The following ZNF536 variants were observed in gnomAD, a reference collection of about 807,000 sequenced individuals.
ZNF536 encodes the protein zinc finger protein 536.
In ZNF536, 13 loss-of-function variants were observed where a neutral mutation model predicts 84.5. The ratio of observed to expected loss-of-function variants is 0.15; its 90% CI spans 0.10 to 0.24. The LOEUF is 0.24. Ranked by LOEUF, ZNF536 falls within the 10% of genes least tolerant of loss-of-function variation. The probability of loss-of-function intolerance (pLI) is 1.00; values close to 1 mark genes in which losing one functional copy is unlikely to be tolerated. For synonymous variants in ZNF536, 811 were observed against 742.5 expected (o/e 1.09, Z -1.50); for missense variants, 1,536 against 1,747.5 (o/e 0.88, Z 2.16).
intron 1 of ZNF536, among the ~76,000 whole-genome samples, chr19:30,276,855 GTT>G (rs35063663): frequency 0.31 from 47,214 of 149,918 alleles, 8,904 homozygotes; most frequent in East Asian, 0.61. Flanking sequence ...TTGTCTTCAT[GTT>G]TTTTTTTTTT....
intron 1 of ZNF536, among the ~76,000 whole-genome samples, chr19:30,282,673 G>C (rs2045491996): frequency 6.6e-6 from 1 of 152,144 alleles, no homozygotes; most frequent in Non-Finnish European, 1.5e-5. Flanking sequence ...AGAGCCGGCT[G>C]GGTGCTGGGG....
intron 2 of ZNF536, among the ~76,000 whole-genome samples, chr19:30,338,762 A>G (rs1695202606): frequency 6.6e-6 from 1 of 152,190 alleles, no homozygotes; most frequent in Non-Finnish European, 1.5e-5. Flanking sequence ...TATGGTAAGC[A>G]TGATTAACAT....
chr19:30,567,077 T>G (rs1599833661), intron 1 of ZNF536, among the ~76,000 whole-genome samples: 1 of 152,006 alleles, frequency 6.6e-6, no homozygotes, highest in Non-Finnish European at 1.5e-5. Context: ...TCCCTGGGAG[T>G]GGCCACTCAG....
intron 1 of ZNF536, among the ~76,000 whole-genome samples, chr19:30,395,990 C>G (rs568787331): frequency 6.6e-6 from 1 of 152,230 alleles, no homozygotes; most frequent in Admixed American, 6.5e-5. Context: ...CAATATCACC[C>G]GAAGTCCATG....
chr19:30,676,692 TG>T (rs1160365948), intron 1 of ZNF536, among the ~76,000 whole-genome samples: 2 of 152,258 alleles, frequency 1.3e-5, no homozygotes, highest in African/African-American at 4.8e-5. Flanking sequence ...TATTAATTTT[TG>T]CTTCAATAAT....
rs187291090 is a variant in ZNF536 at position 30,443,572 on chromosome 19, G to A, written c.10G>A (p.Ala4Thr). 12 of 1,539,398 alleles carry A rather than the reference G, an allele frequency of 7.8e-6. No homozygotes were observed. Among genetic ancestry groups the A allele is most frequent in the African/African-American group, 1.4e-5 (1 of 72,312 alleles). The change falls in exon 2 of 5, where the codon GCG becomes ACG. Residue 4 changes from alanine to threonine, a missense_variant. Ala to Thr is a moderately conservative substitution (Grantham distance 58). This residue lies in a region of ZNF536 where 161 missense variants were observed against 178.5 expected (regional missense o/e 0.90). Coordinates refer to ENST00000355537, the MANE Select transcript of ZNF536 (RefSeq NM_014717.3). MEE[A>T]SLCLGVSSAE... ...GCCTCTCTTTTCAGGGATGGAAGAA[G>A]CGAGCCTGTGCCTTGGAGTGTCTTC...
intron 2 of ZNF536, among the ~76,000 whole-genome samples, chr19:30,284,667 A>C (rs1017929996): frequency 6.6e-6 from 1 of 152,222 alleles, no homozygotes; most frequent in Admixed American, 6.5e-5. Flanking sequence ...CTTAAAATAC[A>C]AAACAAAGGG....
intron 1 of ZNF536, among the ~76,000 whole-genome samples, chr19:30,584,677 TC>T (rs1282713457): frequency 6.6e-6 from 1 of 152,224 alleles, no homozygotes; most frequent in Non-Finnish European, 1.5e-5. Flanking sequence ...CAGGTCTCCC[TC>T]CTCCCTGATT....
intron 1 of ZNF536, among the ~76,000 whole-genome samples, chr19:30,685,508 A>G (rs1243862836): frequency 6.6e-6 from 1 of 152,092 alleles, no homozygotes; most frequent in African/African-American, 2.4e-5. Context: ...GGGCCCATGG[A>G]ACCCAGGGAG....
rs540408533 is a variant in ZNF536 at position 30,678,733 on chromosome 19, G to C, written c.170-32024G>C. Among the ~76,000 whole-genome samples the C allele has an allele frequency of 2.9e-3, 379 of 132,452 alleles. 1 individual carries two copies. Among genetic ancestry groups the C allele is most frequent in the African/African-American group, 5.3e-3 (188 of 35,638 alleles). The allele number at this position is 132,452 out of a possible 152,430, so 86.9% of individuals were successfully genotyped here. ...GGAGCTCCTTGGTACCCACCCCCAA[G>C]CCCCCCCACACACACCTATACCCTT... On this transcript the variant is annotated intron_variant, in intron 1 of 1. Coordinates refer to the ZNF536 transcript ENST00000592773.
intron 1 of ZNF536, among the ~76,000 whole-genome samples, chr19:30,404,154 G>A (rs1019719307): frequency 6.6e-6 from 1 of 151,932 alleles, no homozygotes; most frequent in African/African-American, 2.4e-5. Context: ...CGTAAGGCCA[G>A]CGTTGCCCAC....
intron 1 of ZNF536, among the ~76,000 whole-genome samples, chr19:30,676,043 T>G (rs1056443310): frequency 6.6e-6 from 1 of 151,164 alleles, no homozygotes; most frequent in Non-Finnish European, 1.5e-5. Context: ...TTTTTTTTAA[T>G]AGAGATGGGG....
chr19:30,504,146 A>G (rs921500675), intron 2 of ZNF536, among the ~76,000 whole-genome samples: 2 of 152,064 alleles, frequency 1.3e-5, no homozygotes, highest in Non-Finnish European at 2.9e-5. Context: ...GTGGAGAACT[A>G]CAAAACTTTG....
chr19:30,345,060 T>C (rs1479904332), intron 2 of ZNF536, among the ~76,000 whole-genome samples: 1 of 152,250 alleles, frequency 6.6e-6, no homozygotes, highest in Non-Finnish European at 1.5e-5. Flanking sequence ...CCAGGCATAT[T>C]ATTTTTCTAA....
intron 1 of ZNF536, among the ~76,000 whole-genome samples, chr19:30,619,231 A>G (rs2048400569): frequency 2.0e-5 from 3 of 151,304 alleles, no homozygotes; most frequent in South Asian, 2.1e-4. Context: ...TTAGTTTTGG[A>G]TGTTTTTAAA....
intron 2 of ZNF536, among the ~76,000 whole-genome samples, chr19:30,512,232 T>C (rs1345265213): frequency 2.6e-5 from 4 of 152,196 alleles, no homozygotes; most frequent in Non-Finnish European, 5.9e-5. Flanking sequence ...TTCCAATGCC[T>C]GCAAAATTGT....
intron 2 of ZNF536, among the ~76,000 whole-genome samples, chr19:30,519,369 G>A (rs2044224929): frequency 6.6e-6 from 1 of 152,240 alleles, no homozygotes; most frequent in Admixed American, 6.5e-5. Context: ...CCTTGGGGCA[G>A]GTGAGGCTGG....
rs1478905464 is a variant in ZNF536 at position 30,526,531 on chromosome 19, C to T, written c.2171-8316C>T. Among the ~76,000 whole-genome samples the T allele has an allele frequency of 1.3e-4, 16 of 127,444 alleles. 1 individual carries two copies. Among genetic ancestry groups the T allele is most frequent in the East Asian group, 7.8e-4 (4 of 5,110 alleles). 83.6% of individuals were successfully genotyped at this position (127,444 alleles called of 152,430 possible). A position where few individuals can be genotyped will look rare whatever the true frequency, so the allele number is the denominator to read the frequency against. On this transcript the variant is annotated intron_variant, in intron 2 of 4. Transcript: ENST00000355537. Reference sequence around the variant, plus strand: ...CGAGGTCAGGAGATCGAGACCATCCCGGCTAAAACGGTGAAACCCCGTCTC... The same window carrying T: ...CGAGGTCAGGAGATCGAGACCATCCTGGCTAAAACGGTGAAACCCCGTCTC...
At chr19:30,330,652 C>A (rs1476775438) in intron 2 of ZNF536, among the ~76,000 whole-genome samples, 1 of 152,192 alleles carries the variant, frequency 6.6e-6, no homozygotes, top group African/African-American at 2.4e-5. Flanking sequence ...GAAGCAACAG[C>A]TGGTGGTCTG....
Sources: gnomAD v4.1 joint callset for allele counts (sites outside exome capture counted in the v4.1 genomes callset) on GRCh38, gnomAD v4.1.1 for gene constraint, gnomAD v4.1.1 regional missense constraint, MANE v1.5 for transcripts, NCBI Gene and HGNC (gene_info 2026-07-23, HGNC 2026-07-21) for gene names.